Variants in DMGDH observed in about 807,000 individuals in gnomAD.
DMGDH encodes dimethylglycine dehydrogenase, mitochondrial.
DMGDH carries 76 observed loss-of-function variants against 95.2 expected under a neutral mutation model. That is an observed-to-expected ratio of 0.80 (90% CI 0.66 to 0.97). DMGDH has a LOEUF of 0.97. DMGDH is among the 50% of genes least tolerant of loss of function. The probability of loss-of-function intolerance (pLI) is 0.00; values close to 1 mark genes in which losing one functional copy is unlikely to be tolerated. For synonymous variants in DMGDH, 345 were observed against 377.6 expected (o/e 0.91, Z 1.00); for missense variants, 987 against 1,055.0 (o/e 0.94, Z 0.89).
At chr5:79,069,202 T>G (rs1316688646) in intron 1 of DMGDH, among the ~76,000 whole-genome samples, 1 of 152,152 alleles carries the variant, frequency 6.6e-6, no homozygotes, top group Admixed American at 6.5e-5. Context: ...TATTGATAAT[T>G]GTAAAAAGCA....
chr5:79,019,197 C>T (rs949861085), intron 14 of DMGDH, among the ~76,000 whole-genome samples: 5 of 152,050 alleles, frequency 3.3e-5, no homozygotes, highest in Non-Finnish European at 7.4e-5. Flanking sequence ...TCCTGGGCCA[C>T]GCAGTTAGAA....
At chr5:79,044,211 ATGT>A in intron 6 of DMGDH, 90 bp downstream of exon 6, 2 of 1,566,238 alleles carry the variant, frequency 1.3e-6, no homozygotes, top group South Asian at 1.1e-5. Context: ...GTCTAGTATT[ATGT>A]TGTTGTCTTA....
chr5:79,024,015 T>G (rs554610519), intron 14 of DMGDH, among the ~76,000 whole-genome samples: 1 of 152,322 alleles, frequency 6.6e-6, no homozygotes, highest in South Asian at 2.1e-4. Context: ...CTTACTAATT[T>G]TTATCTTAGA....
chr5:79,031,116 G>C (rs1754164665), intron 9 of DMGDH, 118 bp from the exon 10 acceptor site: 1 of 1,004,234 alleles, frequency 1.0e-6, no homozygotes, highest in South Asian at 1.4e-5. Context: ...CGGGGAGTGG[G>C]ACTATGGGAG....
chr5:79,019,606 C>A lies in DMGDH; in HGVS notation c.2250+4665G>T, dbSNP rs1023946228. ...GGCTTATTAGAATAGATTGTTGGGCCAAGTGCGGTGACTCATGCCTGTAAT... is the reference window on the plus strand; with the variant it reads ...GGCTTATTAGAATAGATTGTTGGGCAAAGTGCGGTGACTCATGCCTGTAAT... On this transcript the variant is annotated intron_variant, in intron 14 of 15. Coordinates refer to ENST00000255189, the MANE Select transcript of DMGDH (RefSeq NM_013391.3). 2.0e-5 allele frequency among the ~76,000 whole-genome samples: 3 copies of A among 152,178 alleles called. No individual in the cohort carries two copies. In the South Asian group the frequency reaches 6.2e-4, roughly 32 times the overall value.
At position 78,998,217 on chromosome 5, in the gene DMGDH, TA is replaced by T; in HGVS notation, c.2465del (p.Leu822GlnfsTer13). 6.2e-7 allele frequency: 1 copy of T among 1,614,226 alleles called. No homozygotes were observed. The highest frequency in any genetic ancestry group is 8.5e-7 in the Non-Finnish European group (1 of 1,180,040). On this transcript the variant is annotated frameshift_variant, in exon 16 of 16. Coordinates refer to ENST00000255189, the MANE Select transcript of DMGDH (RefSeq NM_013391.3). LOFTEE classifies it high-confidence loss of function. The stretch of plus-strand genomic sequence containing the variant: ...CTTCCACTTGCTGTCCCACTTCACT[TA>T]GTTGTACAGGGACATATGCGAAAGC... ...SLAFAYVPVQLSEVGQQVEVE... is the reference protein window; with the variant it reads ...SLAFAYVPVQXSEVGQQVEVE...
intron 14 of DMGDH, among the ~76,000 whole-genome samples, chr5:79,008,962 T>G (rs973425953): frequency 6.6e-6 from 1 of 152,160 alleles, no homozygotes; most frequent in Non-Finnish European, 1.5e-5. Context: ...TGAGGCTCAG[T>G]TACATGACGA....
chr5:79,027,403 A>C (rs1461981394), intron 12 of DMGDH, among the ~76,000 whole-genome samples: 1 of 152,200 alleles, frequency 6.6e-6, no homozygotes, highest in Non-Finnish European at 1.5e-5. Context: ...AGCCCAGAGA[A>C]AGAGCTATGG....
chr5:79,057,067 C>A (rs1755055664), intron 2 of DMGDH, among the ~76,000 whole-genome samples: 1 of 152,116 alleles, frequency 6.6e-6, no homozygotes, highest in African/African-American at 2.4e-5. Context: ...TCACTGGAGC[C>A]TGAAGAATAG....
chr5:79,019,198 G>A (rs766899285), intron 14 of DMGDH, among the ~76,000 whole-genome samples: 8 of 152,162 alleles, frequency 5.3e-5, no homozygotes, highest in East Asian at 1.9e-4. Context: ...CCTGGGCCAC[G>A]CAGTTAGAAT....
intron 14 of DMGDH, among the ~76,000 whole-genome samples, chr5:79,009,822 A>C (rs1310027563): frequency 6.6e-6 from 1 of 152,154 alleles, no homozygotes; most frequent in Non-Finnish European, 1.5e-5. Flanking sequence ...TGCTCCCAAG[A>C]TTATAGATTT....
intron 14 of DMGDH, among the ~76,000 whole-genome samples, chr5:79,014,411 A>T (rs1173899295): frequency 2.6e-5 from 4 of 152,244 alleles, no homozygotes; most frequent in Non-Finnish European, 4.4e-5. Context: ...AACAACTATA[A>T]TATAGAGTTT....
intron 14 of DMGDH, among the ~76,000 whole-genome samples, chr5:79,013,114 C>G (rs1190554869): frequency 2.0e-5 from 3 of 152,146 alleles, no homozygotes; most frequent in Non-Finnish European, 2.9e-5. Flanking sequence ...TAAGTTCCAA[C>G]TTCAGGTCAT....
chr5:79,056,014 G>A, intron 2 of DMGDH, 106 bp from the exon 3 acceptor site: 1 of 759,420 alleles, frequency 1.3e-6, no homozygotes, highest in East Asian at 2.7e-5. Flanking sequence ...AAACTGAGAA[G>A]CACCAGCCAG....
chr5:79,051,276 G>A lies in DMGDH; in HGVS notation c.745+11C>T. ...TAAAAAACACTAATTTCAAAAAAAT[G>A]ATATGCTTACCTGCAGCATTCACAA... is the stretch of plus-strand genomic sequence containing the variant. On this transcript the variant is annotated intron_variant, in intron 5 of 15. Transcript: ENST00000255189. 6.2e-7 allele frequency: 1 copy of A among 1,613,592 alleles called. No individual in the cohort carries two copies. The highest frequency in any genetic ancestry group is 8.5e-7 in the Non-Finnish European group (1 of 1,179,554).
intron 4 of DMGDH, among the ~76,000 whole-genome samples, chr5:79,052,594 C>T (rs1754902487): frequency 6.6e-6 from 1 of 152,214 alleles, no homozygotes; most frequent in Non-Finnish European, 1.5e-5. Flanking sequence ...AGTAATCCCA[C>T]ATCTGTTTGG....
chr5:79,036,292 A>C (rs1242536524), intron 7 of DMGDH, among the ~76,000 whole-genome samples: 2 of 152,210 alleles, frequency 1.3e-5, no homozygotes, highest in Admixed American at 6.5e-5. Flanking sequence ...AGGAGAGGAC[A>C]ATTAGGTTCT....
At position 79,055,846 on chromosome 5, in the gene DMGDH, G is replaced by A; in HGVS notation, c.339C>T (p.Ile113=). 1 of 1,612,284 alleles carries A rather than the reference G, an allele frequency of 6.2e-7. No individual in the cohort carries two copies. ...CTTCTTCCAGTTTCTCATAAAGTTT[G>A]ATGCTATCATAATGTATTTTCTTCA... ...INLKKIHYDS[I]KLYEKLEEET... Residue 113 remains isoleucine, a synonymous_variant, in exon 3 of 16, where the codon ATC becomes ATT. Transcript: ENST00000255189.
Position 79,069,515 on chromosome 5 carries a change from C to T in DMGDH, c.101+5G>A. On this transcript the variant is annotated splice_donor_5th_base_variant and intron_variant, in intron 1 of 15. Coordinates refer to ENST00000255189, the MANE Select transcript of DMGDH (RefSeq NM_013391.3). The stretch of plus-strand genomic sequence containing the variant: ...CGCCTCTGAGCAGGACGGGGCCCCA[C>T]TCACCCTTCCCGGCCGCAGACAGAG... The T allele has an allele frequency of 7.8e-7, 1 of 1,285,318 alleles. No individual in the cohort carries two copies. Among genetic ancestry groups the T allele is most frequent in the Non-Finnish European group, 9.8e-7 (1 of 1,016,698 alleles). 79.6% of individuals were successfully genotyped at this position (1,285,318 alleles called of 1,614,324 possible). A position where few individuals can be genotyped will look rare whatever the true frequency, so the allele number is the denominator to read the frequency against.
Sources: gnomAD v4.1 joint callset for allele counts (sites outside exome capture counted in the v4.1 genomes callset) on GRCh38, gnomAD v4.1.1 for gene constraint, MANE v1.5 for transcripts, NCBI Gene and HGNC (gene_info 2026-07-23, HGNC 2026-07-21) for gene names.